The following PIEZO2 variants were observed in gnomAD, a reference collection of about 807,000 sequenced individuals.
PIEZO2 encodes the protein piezo-type mechanosensitive ion channel component 2.
A neutral mutation model predicts 337.3 loss-of-function variants in PIEZO2; 172 were observed. The observed-to-expected ratio is 0.51, with a 90% CI of 0.45 to 0.58. The LOEUF (loss-of-function observed/expected upper bound fraction) is 0.58. PIEZO2 is among the 20% of genes least tolerant of loss of function. The pLI is 0.00. For synonymous variants in PIEZO2, 1,251 were observed against 1,228.5 expected, an observed-to-expected ratio of 1.02 and a Z score of -0.38; for missense variants, 3,028 against 3,391.3, an observed-to-expected ratio of 0.89 and a Z score of 2.66.
chr18:10,904,140 A>G (rs1312582729), intron 4 of PIEZO2, among the ~76,000 whole-genome samples: 3 of 152,262 alleles, frequency 2.0e-5, no homozygotes, highest in African/African-American at 7.2e-5. Context: ...GTTTACATAT[A>G]GAGGAGATAT....
In PIEZO2 at chr18:10,824,665, T is replaced by C. The variant is rs904251906; in HGVS notation, c.918-17391A>G. On this transcript the variant is annotated intron_variant, in intron 7 of 55. Transcript: ENST00000674853. The surrounding 1 kb of genome is among the most constrained non-coding windows in gnomAD (Gnocchi z 4.4). ...GTTCCAAGATATATTTCAAGTGTTT[T>C]TTTAAATTTTAGAACAATTTTAAAT... 1.3e-5 allele frequency among the ~76,000 whole-genome samples: 2 copies of C among 152,186 alleles called. No homozygotes were observed. The highest frequency in any genetic ancestry group is 4.1e-4 in the South Asian group (2 of 4,836).
chr18:10,929,924 G>A lies in PIEZO2; in HGVS notation c.287-18696C>T, dbSNP rs2031977763. Among the ~76,000 whole-genome samples, 1 of 152,158 alleles carries A rather than the reference G, an allele frequency of 6.6e-6. No individual in the cohort carries two copies. The highest frequency in any genetic ancestry group is 1.5e-5 in the Non-Finnish European group (1 of 68,030). Reference sequence around the variant, plus strand: ...CCAGTTCAGACAATGACAGGAAGGTGGGGTCCAACATGCCTCATTATACCC... The same window carrying A: ...CCAGTTCAGACAATGACAGGAAGGTAGGGTCCAACATGCCTCATTATACCC... On this transcript the variant is annotated intron_variant, in intron 3 of 55. Transcript: ENST00000674853. This position sits in a 1 kb window ranked among gnomAD's most constrained non-coding sequence, Gnocchi z 5.6.
chr18:10,702,179 C>T lies in PIEZO2; in HGVS notation c.6259-8G>A. On this transcript the variant is annotated splice_polypyrimidine_tract_variant and splice_region_variant and intron_variant, in intron 42 of 55. Transcript: ENST00000674853. Reference sequence around the variant, plus strand: ...CTTGACTACAATTGCCACCTACGCACAGATGACAGAAATTTTAAAACATTA... The same window carrying T: ...CTTGACTACAATTGCCACCTACGCATAGATGACAGAAATTTTAAAACATTA... The T allele has an allele frequency of 2.6e-6, 4 of 1,531,888 alleles. No homozygotes were observed. The South Asian group carries it at 4.8e-5, about 19-fold the overall frequency. The allele number at this position is 1,531,888 out of a possible 1,614,324, so 94.9% of individuals were successfully genotyped here. A position where few individuals can be genotyped will look rare whatever the true frequency, so the allele number is the denominator to read the frequency against.
chr18:10,712,696 A>G (rs2298745), intron 39 of PIEZO2, among the ~76,000 whole-genome samples: 29,924 of 152,172 alleles, frequency 0.2, 3,126 homozygotes, highest in South Asian at 0.27. Context: ...TGTAACTTTG[A>G]TATTACTAAT....
chr18:10,716,576 GC>G lies in PIEZO2; in HGVS notation c.5090-761del, dbSNP rs1212440852. ...AAGGAGGCACAGGAAGAGAACGGCC[GC>G]TGCTTGAAGCTGAATGAAGTGAGTC... On this transcript the variant is annotated intron_variant, in intron 37 of 55. Coordinates refer to ENST00000674853, the MANE Select transcript of PIEZO2 (RefSeq NM_001378183.1). This position sits in a 1 kb window ranked among gnomAD's most constrained non-coding sequence, Gnocchi z 4.1. Among the ~76,000 whole-genome samples the G allele has an allele frequency of 9.2e-5, 14 of 151,752 alleles. No homozygotes were observed. Among genetic ancestry groups the G allele is most frequent in the Non-Finnish European group, 1.6e-4 (11 of 68,026 alleles).
intron 1 of PIEZO2, among the ~76,000 whole-genome samples, chr18:11,119,607 G>A (rs2039979814): frequency 6.6e-6 from 1 of 152,072 alleles, no homozygotes; most frequent in South Asian, 2.1e-4. Flanking sequence ...GAAATATTAC[G>A]AAGGTAGCAG....
chr18:10,880,325 T>C (rs1351479088), intron 4 of PIEZO2, among the ~76,000 whole-genome samples: 1 of 152,214 alleles, frequency 6.6e-6, no homozygotes, highest in East Asian at 1.9e-4. Flanking sequence ...TGGATACTCA[T>C]GGGAAGACTA....
intron 10 of PIEZO2, 58 bp downstream of exon 10, chr18:10,801,332 T>G (rs1253773445): frequency 3.3e-5 from 46 of 1,376,182 alleles, no homozygotes; most frequent in Non-Finnish European, 4.2e-5. Context: ...GCTACTTCCA[T>G]TTGTTGCCTT....
At chr18:10,851,041 T>C (rs2041533104) in intron 7 of PIEZO2, among the ~76,000 whole-genome samples, 1 of 152,152 alleles carries the variant, frequency 6.6e-6, no homozygotes, top group Non-Finnish European at 1.5e-5. Flanking sequence ...ACAGAAGGGC[T>C]GGAGTCTCCG....
At chr18:10,688,758 C>T (rs548053120) in intron 49 of PIEZO2, among the ~76,000 whole-genome samples, 18 of 152,240 alleles carry the variant, frequency 1.2e-4, no homozygotes, top group African/African-American at 4.3e-4. Flanking sequence ...GTTCTTCCTA[C>T]TTTTCCTTGT....
intron 3 of PIEZO2, among the ~76,000 whole-genome samples, chr18:10,970,703 C>G (rs574847185): frequency 6.1e-5 from 9 of 146,518 alleles, no homozygotes; most frequent in Admixed American, 3.4e-4. Flanking sequence ...CACACACACA[C>G]AGCTGGGTGT....
At chr18:10,921,723 A>G (rs1418939012) in intron 3 of PIEZO2, among the ~76,000 whole-genome samples, 2 of 152,158 alleles carry the variant, frequency 1.3e-5, no homozygotes, top group Non-Finnish European at 2.9e-5. Context: ...AAAGAGCCAT[A>G]TTTATCTTCT....
intron 15 of PIEZO2, 52 bp downstream of exon 15, chr18:10,789,027 T>A (rs1031183475): frequency 1.3e-6 from 2 of 1,483,820 alleles, no homozygotes; most frequent in Non-Finnish European, 1.8e-6. Flanking sequence ...AGGTAGCTCA[T>A]GTATACTCCT....
chr18:11,036,665 T>C (rs952922137), intron 2 of PIEZO2, among the ~76,000 whole-genome samples: 3 of 152,114 alleles, frequency 2.0e-5, no homozygotes, highest in Non-Finnish European at 4.4e-5. Flanking sequence ...TAATTAAAAC[T>C]GGTTTCACCA....
At chr18:10,680,065 A>G (rs2034194696) in intron 52 of PIEZO2, 134 bp downstream of exon 52, 6 of 690,632 alleles carry the variant, frequency 8.7e-6, no homozygotes, top group Non-Finnish European at 1.4e-5. Context: ...GTAAGTTCCC[A>G]AGGCTATAAT....
intron 2 of PIEZO2, among the ~76,000 whole-genome samples, chr18:11,056,759 C>T (rs543721802): frequency 2.0e-5 from 3 of 152,042 alleles, no homozygotes; most frequent in East Asian, 2.0e-4. Context: ...AACCAGGCCT[C>T]GCCTGGGCCT....
chr18:10,724,832 G>A lies in PIEZO2; in HGVS notation c.5030-6573C>T, dbSNP rs12458622. On this transcript the variant is annotated intron_variant, in intron 36 of 55. Transcript: ENST00000674853. This position sits in a 1 kb window ranked among gnomAD's most constrained non-coding sequence, Gnocchi z 5.8. Reference sequence around the variant, plus strand: ...CAGTCGTTCTCACAGATGCACCTGGGCCACGGCGGCCACATGCGTCGCAGT... The same window carrying A: ...CAGTCGTTCTCACAGATGCACCTGGACCACGGCGGCCACATGCGTCGCAGT... 365,524 of 1,594,724 alleles carry A rather than the reference G, an allele frequency of 0.23. 43,527 individuals carry two copies. Among genetic ancestry groups the A allele is most frequent in the South Asian group, 0.29 (26,176 of 88,926 alleles).
chr18:11,123,697 C>G (rs2040097933), intron 1 of PIEZO2, among the ~76,000 whole-genome samples: 2 of 151,958 alleles, frequency 1.3e-5, no homozygotes. Context: ...GTAGTCCCAG[C>G]TACTTGGGAG....
At chr18:11,041,681 A>G (rs1471543014) in intron 2 of PIEZO2, among the ~76,000 whole-genome samples, 2 of 152,208 alleles carry the variant, frequency 1.3e-5, no homozygotes, top group African/African-American at 4.8e-5. Context: ...GGTTCTTCTT[A>G]ATGTAAAAAA....
Sources: allele counts gnomAD v4.1 joint callset (sites outside exome capture counted in the v4.1 genomes callset), GRCh38; gene constraint gnomAD v4.1.1; non-coding constraint Gnocchi (gnomAD v3.1); transcripts MANE v1.5; gene names NCBI Gene and HGNC (gene_info 2026-07-23, HGNC 2026-07-21).